Variants in GABRA2 observed in about 807,000 individuals in gnomAD.
The protein encoded by GABRA2 is gamma-aminobutyric acid receptor subunit alpha-2.
GABRA2 carries 16 observed loss-of-function variants against 48.7 expected under a neutral mutation model. The ratio of observed to expected loss-of-function variants is 0.33; its 90% confidence interval spans 0.22 to 0.50. GABRA2 has a LOEUF of 0.50. Ranked by LOEUF, GABRA2 falls within the 20% of genes least tolerant of loss-of-function variation. The pLI is 0.98. For synonymous variants in GABRA2, 185 were observed against 184.5 expected (o/e 1.00, Z -0.02); for missense variants, 275 against 535.6 (o/e 0.51, Z 4.80).
chr4:46,381,457 C>T (rs959670360), intron 3 of GABRA2, among the ~76,000 whole-genome samples: 3 of 152,112 alleles, frequency 2.0e-5, no homozygotes, highest in African/African-American at 7.2e-5. Context: ...TTTTCAGGCC[C>T]ACAATGAAAT....
chr4:46,259,752 C>G (rs1442172240), intron 9 of GABRA2, among the ~76,000 whole-genome samples: 1 of 151,658 alleles, frequency 6.6e-6, no homozygotes, highest in Non-Finnish European at 1.5e-5. Flanking sequence ...CCTGGTTAGT[C>G]AGAAAGGACA....
intron 8 of GABRA2, among the ~76,000 whole-genome samples, chr4:46,276,316 A>C (rs1206730474): frequency 2.6e-5 from 4 of 152,088 alleles, no homozygotes; most frequent in Non-Finnish European, 5.9e-5. Flanking sequence ...ACATGGGTTA[A>C]CTAGGTTAAT....
chr4:46,337,126 G>A (rs978228039), intron 3 of GABRA2, among the ~76,000 whole-genome samples: 1 of 151,954 alleles, frequency 6.6e-6, no homozygotes, highest in African/African-American at 2.4e-5. Context: ...GCCTGTGAAA[G>A]ACCCACAACA....
chr4:46,312,730 T>C lies in GABRA2; in HGVS notation c.256-14A>G, dbSNP rs1727859567. 7.3e-7 allele frequency: 1 copy of C among 1,368,492 alleles called. No individual in the cohort carries two copies. Among genetic ancestry groups the C allele is most frequent in the Non-Finnish European group, 9.9e-7 (1 of 1,005,756 alleles). The allele number at this position is 1,368,492 out of a possible 1,614,324, so 84.8% of individuals were successfully genotyped here. ...AATTGTATATTCCTGAAATAAAAAA[T>C]AGAATTTTTTTGAAAATAGTAAATG... is the stretch of plus-strand genomic sequence containing the variant. On this transcript the variant is annotated splice_polypyrimidine_tract_variant and intron_variant, in intron 4 of 9. Transcript: ENST00000381620.
intron 3 of GABRA2, among the ~76,000 whole-genome samples, chr4:46,353,073 C>A (rs956365406): frequency 1.3e-5 from 2 of 152,068 alleles, no homozygotes; most frequent in Non-Finnish European, 2.9e-5. Flanking sequence ...CAAGTGTGTT[C>A]ACTGTTCTCT....
rs150800084 is a variant in GABRA2, at chr4:46,350,478, C to G, written c.188-17796G>C. Among the ~76,000 whole-genome samples, 210 of 151,778 alleles carry G rather than the reference C, an allele frequency of 1.4e-3. 2 individuals are homozygous for G. Among genetic ancestry groups the G allele is most frequent in the African/African-American group, 4.9e-3 (205 of 41,434 alleles). ...ATTATCTTTGTTCTATATCATACATCATACATATATTTGTATATATATACA... is the reference window on the plus strand; with the variant it reads ...ATTATCTTTGTTCTATATCATACATGATACATATATTTGTATATATATACA... On this transcript the variant is annotated intron_variant, in intron 3 of 9. Transcript: ENST00000381620.
intron 3 of GABRA2, among the ~76,000 whole-genome samples, chr4:46,384,497 G>A (rs1273105780): frequency 6.6e-6 from 1 of 152,098 alleles, no homozygotes; most frequent in Admixed American, 6.6e-5. Flanking sequence ...TCCTCAAACA[G>A]GTAGTTTCTA....
At chr4:46,375,555 C>T (rs1004665806) in intron 3 of GABRA2, among the ~76,000 whole-genome samples, 12 of 152,302 alleles carry the variant, frequency 7.9e-5, no homozygotes, top group African/African-American at 1.7e-4. Context: ...TAAACACCCT[C>T]GACATCCCTG....
intron 3 of GABRA2, among the ~76,000 whole-genome samples, chr4:46,345,885 C>G (rs62304123): frequency 6.6e-6 from 1 of 151,860 alleles, no homozygotes; most frequent in South Asian, 2.1e-4. Flanking sequence ...TGTCTTCATC[C>G]CTGTAATTTA....
intron 3 of GABRA2, among the ~76,000 whole-genome samples, chr4:46,361,163 T>C (rs761496599): frequency 3.3e-5 from 5 of 152,182 alleles, no homozygotes; most frequent in Non-Finnish European, 5.9e-5. Flanking sequence ...GAGCCCAATG[T>C]TAATCACAGG....
intron 3 of GABRA2, among the ~76,000 whole-genome samples, chr4:46,374,282 T>C (rs1715357448): frequency 6.6e-6 from 1 of 152,098 alleles, no homozygotes; most frequent in Admixed American, 6.6e-5. Context: ...TTTCTAAAAG[T>C]CCCCCATGAC....
rs142120975 is a variant in GABRA2, at chr4:46,291,795, A to G, written c.856+11665T>C. Reference sequence around the variant, plus strand: ...CACACACATATATATATATATACATATACATATATATGTGTATATATATAT... The same window carrying G: ...CACACACATATATATATATATACATGTACATATATATGTGTATATATATAT... On this transcript the variant is annotated intron_variant, in intron 8 of 9. Coordinates refer to ENST00000381620, the MANE Select transcript of GABRA2 (RefSeq NM_000807.4). Among the ~76,000 whole-genome samples, 660 of 150,116 alleles carry G rather than the reference A, an allele frequency of 4.4e-3. 11 individuals are homozygous for G. The highest frequency in any genetic ancestry group is 0.015 in the African/African-American group (606 of 40,966).
At chr4:46,275,121 G>T (rs906630541) in intron 8 of GABRA2, among the ~76,000 whole-genome samples, 1 of 152,042 alleles carries the variant, frequency 6.6e-6, no homozygotes, top group Non-Finnish European at 1.5e-5. Context: ...TGTTCCAAAA[G>T]AGCACAGAAT....
At chr4:46,255,979 C>A (rs959632432) in intron 9 of GABRA2, among the ~76,000 whole-genome samples, 1 of 151,406 alleles carries the variant, frequency 6.6e-6, no homozygotes, top group Non-Finnish European at 1.5e-5. Context: ...AGAAATGGGG[C>A]TCTCATTCAA....
chr4:46,298,266 A>C (rs1725116998), intron 8 of GABRA2, among the ~76,000 whole-genome samples: 2 of 151,808 alleles, frequency 1.3e-5, no homozygotes, highest in Non-Finnish European at 1.5e-5. Context: ...TTGTTTCCCA[A>C]TTTTACTATT....
chr4:46,325,864 T>C (rs1181181246), intron 4 of GABRA2, among the ~76,000 whole-genome samples: 1 of 151,976 alleles, frequency 6.6e-6, no homozygotes, highest in African/African-American at 2.4e-5. Context: ...TTGTCGACTT[T>C]GTCAAAGATT....
chr4:46,287,963 A>G (rs1039720621), intron 8 of GABRA2, among the ~76,000 whole-genome samples: 1 of 152,158 alleles, frequency 6.6e-6, no homozygotes, highest in Admixed American at 6.6e-5. Context: ...AGCAAGTCAC[A>G]TCTTACATGG....
At chr4:46,348,772 T>A (rs1734607316) in intron 3 of GABRA2, among the ~76,000 whole-genome samples, 1 of 98,002 alleles carries the variant, frequency 1.0e-5, no homozygotes, top group Non-Finnish European at 1.9e-5. Context: ...CCGGGGACTG[T>A]TGTGGGGTGG....
chr4:46,303,587 A>G lies in GABRA2; in HGVS notation c.729T>C (p.His243=), dbSNP rs1726128227. ...ACCCAATTTTTCTTTTCAGGTGGAA[A>G]TGAGCTGTCATTACAGTATATTCAC... ...STGEYTVMTA[H]FHLKRKIGYF... is the part of the protein sequence containing the mutation. Residue 243 remains histidine, a synonymous_variant, in exon 8 of 10, where the codon CAT becomes CAC. Transcript: ENST00000381620. 6 of 1,613,760 alleles carry G rather than the reference A, an allele frequency of 3.7e-6. No homozygotes were observed. The highest frequency in any genetic ancestry group is 5.1e-6 in the Non-Finnish European group (6 of 1,179,668).
Sources: gnomAD v4.1 joint callset for allele counts (sites outside exome capture counted in the v4.1 genomes callset) on GRCh38, gnomAD v4.1.1 for gene constraint, MANE v1.5 for transcripts, NCBI Gene and HGNC (gene_info 2026-07-23, HGNC 2026-07-21) for gene names.